Variants in EXOC5 observed in about 807,000 individuals in gnomAD.
The protein encoded by EXOC5 is exocyst complex component 5, also known as SEC10-like 1.
Under a neutral mutation model 90.8 loss-of-function variants are expected in EXOC5, and 17 were observed. The ratio of observed to expected loss-of-function variants is 0.19; its 90% CI spans 0.13 to 0.28. The LOEUF (loss-of-function observed/expected upper bound fraction) is 0.28. EXOC5 is among the 10% of genes least tolerant of loss of function. The pLI, the probability that EXOC5 is intolerant of heterozygous loss-of-function variation, is 1.00. For missense variants in EXOC5, 569 were observed against 830.6 expected (o/e 0.69, Z 3.87); for synonymous variants, 260 against 270.0 (o/e 0.96, Z 0.36).
chr14:57,230,842 T>TC (rs772006002), intron 11 of EXOC5, among the ~76,000 whole-genome samples: 6 of 151,946 alleles, frequency 3.9e-5, no homozygotes, highest in Non-Finnish European at 7.4e-5. Flanking sequence ...TCTATTTTTT[T>TC]CACACCTGCA....
chr14:57,246,781 A>T lies in EXOC5; in HGVS notation c.200T>A (p.Leu67Gln), dbSNP rs1230954103. Reference sequence around the variant, plus strand: ...GGCTTCTTTCTGACATTGTTGCTCTAGTTTCTCTACTTTCCTCTGAATCCT... The same window carrying T: ...GGCTTCTTTCTGACATTGTTGCTCTTGTTTCTCTACTTTCCTCTGAATCCT... ...DERIQRKVEK[L>Q]EQQCQKEAKE... The change falls in exon 3 of 18, where the codon CTA (leucine) becomes CAA (glutamine). Residue 67 changes from leucine (L) to glutamine (Q), a missense_variant. Leu to Gln is a moderately radical substitution (Grantham distance 113). Transcript: ENST00000621441. 1.2e-6 allele frequency: 2 copies of T among 1,609,296 alleles called. No individual in the cohort carries two copies. The highest frequency in any genetic ancestry group is 1.3e-5 in the African/African-American group (1 of 74,776).
intron 9 of EXOC5, 78 bp downstream of exon 9, chr14:57,233,665 T>A: frequency 1.1e-6 from 1 of 911,044 alleles, no homozygotes; most frequent in South Asian, 1.9e-5. Flanking sequence ...AACTAAATTT[T>A]AAAAATACTT....
At chr14:57,259,145 T>C (rs1221579440) in intron 1 of EXOC5, among the ~76,000 whole-genome samples, 1 of 152,074 alleles carries the variant, frequency 6.6e-6, no homozygotes, top group Non-Finnish European at 1.5e-5. Flanking sequence ...AGTCTCACTC[T>C]GTCACCCAGT....
chr14:57,249,663 G>C (rs369765526), intron 1 of EXOC5, among the ~76,000 whole-genome samples: 3 of 152,080 alleles, frequency 2.0e-5, no homozygotes, highest in African/African-American at 4.8e-5. Flanking sequence ...GTGGAGGAGA[G>C]TGACAGATAA....
chr14:57,221,677 T>C (rs1206834544), intron 13 of EXOC5, among the ~76,000 whole-genome samples: 1 of 152,172 alleles, frequency 6.6e-6, no homozygotes, highest in Non-Finnish European at 1.5e-5. Context: ...GAAATGGTAA[T>C]GCCTTTTAAA....
chr14:57,234,158 TTGG>T, intron 7 of EXOC5, 126 bp from the exon 8 acceptor site: 1 of 647,920 alleles, frequency 1.5e-6, no homozygotes, highest in Non-Finnish European at 2.7e-6. Context: ...GCAACACCTG[TTGG>T]ACTTAAATAA....
chr14:57,228,938 T>C (rs1883397470), intron 12 of EXOC5, among the ~76,000 whole-genome samples: 1 of 152,200 alleles, frequency 6.6e-6, no homozygotes, highest in Non-Finnish European at 1.5e-5. Context: ...TACAATCTTT[T>C]GCTAGTAGTA....
chr14:57,255,524 T>G (rs1357323433), intron 1 of EXOC5, among the ~76,000 whole-genome samples: 1 of 151,980 alleles, frequency 6.6e-6, no homozygotes, highest in Non-Finnish European at 1.5e-5. Flanking sequence ...AACAGAGCAC[T>G]GGAACACCCT....
chr14:57,225,342 A>G (rs887590518), intron 12 of EXOC5, among the ~76,000 whole-genome samples: 1 of 152,194 alleles, frequency 6.6e-6, no homozygotes, highest in African/African-American at 2.4e-5. Context: ...CAATCTGAAA[A>G]AGAACATCTA....
intron 1 of EXOC5, among the ~76,000 whole-genome samples, chr14:57,249,489 AAAATTAAGGATTTTTTC>A (rs1302447952): frequency 2.0e-5 from 3 of 152,168 alleles, no homozygotes; most frequent in Non-Finnish European, 4.4e-5. Context: ...TTACTGACAA[AAAATTAAGGATTTTTTC>A]ATACAAAATA....
chr14:57,219,263 T>C (rs1013849349), intron 14 of EXOC5, 59 bp downstream of exon 14: 1 of 973,174 alleles, frequency 1.0e-6, no homozygotes, highest in South Asian at 2.6e-5. Flanking sequence ...ATATATAGAT[T>C]ATGTAGAATG....
Position 57,204,224 on chromosome 14 carries a change from G to A in EXOC5, c.*4385C>T, listed in dbSNP as rs903368418. ...AAAAATAGGAATTTTGTTAAGCCCAGGGGCAGCCTAGCTGCTTTAATTTGG... is the reference window on the plus strand; with the variant it reads ...AAAAATAGGAATTTTGTTAAGCCCAAGGGCAGCCTAGCTGCTTTAATTTGG... On this transcript the variant is annotated 3_prime_UTR_variant, in exon 18 of 18. Coordinates refer to ENST00000621441, the MANE Select transcript of EXOC5 (RefSeq NM_006544.4). 1.3e-5 allele frequency: 2 copies of A among 152,052 alleles called. No homozygotes were observed. Among genetic ancestry groups the A allele is most frequent in the Non-Finnish European group, 2.9e-5 (2 of 67,964 alleles). 9.4% of individuals were successfully genotyped at this position (152,052 alleles called of 1,614,324 possible).
intron 1 of EXOC5, among the ~76,000 whole-genome samples, chr14:57,258,691 G>A (rs1435507881): frequency 2.6e-5 from 4 of 152,116 alleles, no homozygotes; most frequent in African/African-American, 9.7e-5. Flanking sequence ...GAACTTAATG[G>A]TATTTGTGGT....
intron 4 of EXOC5, among the ~76,000 whole-genome samples, chr14:57,240,474 G>T (rs1255522337): frequency 1.3e-5 from 2 of 152,008 alleles, no homozygotes; most frequent in Non-Finnish European, 2.9e-5. Flanking sequence ...TAGACACGGG[G>T]TTTCTTTATA....
At chr14:57,217,891 T>C (rs938123729) in intron 15 of EXOC5, 91 bp downstream of exon 15, 40 of 703,228 alleles carry the variant, frequency 5.7e-5, no homozygotes, top group Middle Eastern at 4.9e-4. Context: ...TTAAGATAAA[T>C]ATTTTTCTTC....
chr14:57,208,902 G>A, intron 17 of EXOC5, 105 bp from the exon 18 acceptor site: 1 of 660,212 alleles, frequency 1.5e-6, no homozygotes, highest in South Asian at 2.7e-5. Flanking sequence ...TACTAGTGTG[G>A]GTGAAGTTCA....
chr14:57,206,164 C>A lies in EXOC5; in HGVS notation c.*2445G>T. 3.0e-6 allele frequency: 1 copy of A among 334,728 alleles called. No homozygotes were observed. Among genetic ancestry groups the A allele is most frequent in the Admixed American group, 4.1e-5 (1 of 24,562 alleles). The allele number at this position is 334,728 out of a possible 1,614,324, so 20.7% of individuals were successfully genotyped here. Reference sequence around the variant, plus strand: ...TTAGCTCATGCGGTATTGTGTAATACTGCAAAGACCGTACTTACGTAAATG... The same window carrying A: ...TTAGCTCATGCGGTATTGTGTAATAATGCAAAGACCGTACTTACGTAAATG... On this transcript the variant is annotated 3_prime_UTR_variant, in exon 18 of 18. Transcript: ENST00000621441.
chr14:57,212,357 GAA>G (rs1244676247), intron 15 of EXOC5, among the ~76,000 whole-genome samples: 1 of 152,192 alleles, frequency 6.6e-6, no homozygotes, highest in Admixed American at 6.5e-5. Context: ...AAACCAATCA[GAA>G]AAGACATCCC....
chr14:57,239,169 T>C (rs1307338815), intron 5 of EXOC5, among the ~76,000 whole-genome samples: 1 of 152,172 alleles, frequency 6.6e-6, no homozygotes, highest in Non-Finnish European at 1.5e-5. Flanking sequence ...AGAAAGGTGA[T>C]AGCGTTCATC....
Sources: allele counts gnomAD v4.1 joint callset (sites outside exome capture counted in the v4.1 genomes callset), GRCh38; gene constraint gnomAD v4.1.1; transcripts MANE v1.5; gene names NCBI Gene and HGNC (gene_info 2026-07-23, HGNC 2026-07-21).